MRPS7: variants seen among roughly 807,000 people sequenced by gnomAD.
The protein encoded by MRPS7 is mitochondrial ribosomal protein S7.
Under a neutral mutation model 26.2 loss-of-function variants are expected in MRPS7, and 13 were observed. The ratio of observed to expected loss-of-function variants is 0.50; its 90% CI spans 0.32 to 0.79. The LOEUF is 0.79. MRPS7 is among the 30% of genes least tolerant of loss of function. The pLI is 0.03. For missense variants in MRPS7, 318 were observed against 312.2 expected, an observed-to-expected ratio of 1.02 and a Z score of -0.14; for synonymous variants, 129 against 113.3, an observed-to-expected ratio of 1.14 and a Z score of -0.88.
In MRPS7 at chr17:75,266,238, A is replaced by G. The variant is rs2077480578; in HGVS notation, c.*315A>G. The G allele has an allele frequency of 2.4e-6, 1 of 416,774 alleles. No individual in the cohort carries two copies. The highest frequency in any genetic ancestry group is 4.4e-6 in the Non-Finnish European group (1 of 227,834). The allele number at this position is 416,774 out of a possible 1,614,324, so 25.8% of individuals were successfully genotyped here. A position where few individuals can be genotyped will look rare whatever the true frequency, so the allele number is the denominator to read the frequency against. ...ATATAAAGGAAGCAGTTTTAGTATC[A>G]GAAAAGATTTATTAGAAAATTCTCA... On this transcript the variant is annotated 3_prime_UTR_variant, in exon 5 of 5. Transcript: ENST00000245539.
intron 4 of MRPS7, chr17:75,264,091 T>C (rs971602455): frequency 3.3e-5 from 5 of 151,156 alleles, no homozygotes; most frequent in African/African-American, 1.2e-4. Flanking sequence ...GGAGAATCGC[T>C]TGAACCCAGG....
At chr17:75,262,450 C>A in intron 1 of MRPS7, 47 bp from the exon 2 acceptor site, 1 of 1,595,900 alleles carries the variant, frequency 6.3e-7, no homozygotes, top group Non-Finnish European at 8.6e-7. Context: ...AACCTACTCG[C>A]TTGTGGAGTC....
rs1567818350 is a variant in MRPS7, at chr17:75,265,921, T to C, written c.727T>C (p.Ter243GlnextTer21). 6.2e-7 allele frequency: 1 copy of C among 1,613,392 alleles called. No homozygotes were observed. The highest frequency in any genetic ancestry group is 8.5e-7 in the Non-Finnish European group (1 of 1,179,844). ...TGCCCTGGCCCACTACCGCTGGTGG[T>C]AGAGTCTCCAGGAGGAGCCCAGGGC... ...NRALAHYRWW[*>Q] Residue 243 changes from the stop codon to glutamine, a stop_lost, in exon 5 of 5, where the codon TAG (stop) becomes CAG (glutamine). Transcript: ENST00000245539.
At chr17:75,262,933 C>A in intron 3 of MRPS7, 66 bp downstream of exon 3, 1 of 1,478,172 alleles carries the variant, frequency 6.8e-7, no homozygotes, top group Non-Finnish European at 9.4e-7. Context: ...GTACTTGGTA[C>A]TTTCAGTGTA....
At chr17:75,262,006 CGG>C (rs869201918) in intron 1 of MRPS7, 23 bp downstream of exon 1, 23 of 461,354 alleles carry the variant, frequency 5.0e-5, no homozygotes, top group South Asian at 2.0e-4. Flanking sequence ...CGAGCAGCGG[CGG>C]GGGGGCGCTG....
chr17:75,262,577 T>G lies in MRPS7; in HGVS notation c.164T>G (p.Val55Gly). 6.2e-7 allele frequency: 1 copy of G among 1,614,108 alleles called. No individual in the cohort carries two copies. The highest frequency in any genetic ancestry group is 8.5e-7 in the Non-Finnish European group (1 of 1,180,042). ...GACAAGGAATATTATCGCAAGCCAG[T>G]GGAGGAGCTAACTGAGGAGGAGAAA... ...LIDKEYYRKP[V>G]EELTEEEKYV... The change falls in exon 2 of 5, where the codon GTG (valine) becomes GGG (glycine). Residue 55 changes from valine to glycine, a missense_variant. Val to Gly is a moderately radical substitution (Grantham distance 109, BLOSUM62 -3). Transcript: ENST00000245539.
At chr17:75,263,203 T>C in intron 3 of MRPS7, 137 bp from the exon 4 acceptor site, 3 of 1,074,990 alleles carry the variant, frequency 2.8e-6, no homozygotes, top group Non-Finnish European at 4.0e-6. Context: ...TTAAAAACTT[T>C]GTTTTGGATG....
At position 75,265,944 on chromosome 17, in the gene MRPS7, G is replaced by A. The variant is rs1196385293; in HGVS notation, c.*21G>A. On this transcript the variant is annotated 3_prime_UTR_variant, in exon 5 of 5. Transcript: ENST00000245539. Reference sequence around the variant, plus strand: ...GGTAGAGTCTCCAGGAGGAGCCCAGGGCCCTCTGCCGCAAGAAACAGTGTG... The same window carrying A: ...GGTAGAGTCTCCAGGAGGAGCCCAGAGCCCTCTGCCGCAAGAAACAGTGTG... 6.2e-7 allele frequency: 1 copy of A among 1,609,090 alleles called. No individual in the cohort carries two copies.
At position 75,262,483 on chromosome 17, in the gene MRPS7, T is replaced by TC. The variant is rs769582282; in HGVS notation, c.84-7dup. On this transcript the variant is annotated splice_polypyrimidine_tract_variant and intron_variant, in intron 1 of 4. Transcript: ENST00000245539. Reference sequence around the variant, plus strand: ...GTCAGCTTTTGCCTGCCTCCTCCTTTCCCCCCCTCCCAGGCTAACTCAGGT... The same window carrying TC: ...GTCAGCTTTTGCCTGCCTCCTCCTTTCCCCCCCCTCCCAGGCTAACTCAGGT... The TC allele has an allele frequency of 9.7e-5, 156 of 1,611,542 alleles. 1 individual carries two copies. The highest frequency in any genetic ancestry group is 9.6e-4 in the East Asian group (43 of 44,834).
chr17:75,263,610 A>C, intron 4 of MRPS7, 103 bp downstream of exon 4: 1 of 1,447,362 alleles, frequency 6.9e-7, no homozygotes, highest in South Asian at 1.2e-5. Flanking sequence ...TAGCTGGTGC[A>C]GTGGGATTGC....
At chr17:75,264,254 T>C (rs968360372) in intron 4 of MRPS7, 1 of 149,952 alleles carries the variant, frequency 6.7e-6, no homozygotes, top group Non-Finnish European at 1.5e-5. Flanking sequence ...AGGCAGAAGG[T>C]GGAAGAGAGT....
rs148321039 is a variant in MRPS7, at chr17:75,265,848, C to T, written c.654C>T (p.Pro218=). 3.5e-5 allele frequency: 57 copies of T among 1,614,018 alleles called. No individual in the cohort carries two copies. Among genetic ancestry groups the T allele is most frequent in the Non-Finnish European group, 4.4e-5 (52 of 1,180,040 alleles). Residue 218 remains proline (P), a synonymous_variant, in exon 5 of 5, where the codon CCC becomes CCT. Transcript: ENST00000245539. The stretch of plus-strand genomic sequence containing the variant: ...TGGAGGCTTTCCATAACCAGGGCCC[C>T]GTGATCAAGAGGAAGCATGACTTGC... ...KLLEAFHNQG[P]VIKRKHDLHK... is the part of the protein sequence containing the mutation.
At chr17:75,262,963 C>A in intron 3 of MRPS7, 96 bp downstream of exon 3, 2 of 1,210,968 alleles carry the variant, frequency 1.7e-6, no homozygotes, top group Non-Finnish European at 2.4e-6. Context: ...CAAATGGATT[C>A]ATGTATCTAT....
intron 1 of MRPS7, 166 bp downstream of exon 1, chr17:75,262,149 CT>C (rs1193675062): frequency 4.7e-5 from 38 of 813,824 alleles, no homozygotes; most frequent in Non-Finnish European, 7.0e-5. Context: ...GGTTTAGTGA[CT>C]ACCTCTCGCC....
intron 3 of MRPS7, chr17:75,263,127 C>T: frequency 3.1e-6 from 2 of 639,512 alleles, no homozygotes; most frequent in Non-Finnish European, 2.6e-6. Flanking sequence ...ACCTCACCCC[C>T]CACCCCCTCC....
chr17:75,262,110 T>A, intron 1 of MRPS7, 127 bp downstream of exon 1: 1 of 1,147,580 alleles, frequency 8.7e-7, no homozygotes, highest in Non-Finnish European at 1.2e-6. Flanking sequence ...AGCTTCTAAG[T>A]TAGCTGCGTG....
rs1282660185 is a variant in MRPS7, at chr17:75,263,315, CCT to C, written c.340-22_340-21del. The C allele has an allele frequency of 2.5e-6, 4 of 1,613,372 alleles. No individual in the cohort carries two copies. In the African/African-American group the frequency reaches 5.3e-5, roughly 22 times the overall value. On this transcript the variant is annotated intron_variant, in intron 3 of 4. Transcript: ENST00000245539. ...AAACCCTTTAGGGAGCCTGGGGCAG[CCT>C]CTTCCACCATATTCTTTTGCAGACT...
chr17:75,265,428 G>A (rs1424873048), intron 4 of MRPS7, among the ~76,000 whole-genome samples: 1 of 152,120 alleles, frequency 6.6e-6, no homozygotes, highest in Non-Finnish European at 1.5e-5. Flanking sequence ...TCCTGCCTCA[G>A]CCTCCCAAAG....
chr17:75,263,741 TGTG>T, intron 4 of MRPS7: 1 of 523,080 alleles, frequency 1.9e-6, no homozygotes, highest in Non-Finnish European at 3.4e-6. Flanking sequence ...ATTAGCCAGG[TGTG>T]GTGGTGTGCA....
Sources: allele counts gnomAD v4.1 joint callset (sites outside exome capture counted in the v4.1 genomes callset), GRCh38; gene constraint gnomAD v4.1.1; transcripts MANE v1.5; gene names NCBI Gene and HGNC (gene_info 2026-07-23, HGNC 2026-07-21).